ANKRD33B: variants seen among roughly 807,000 people sequenced by gnomAD.
ANKRD33B encodes ankyrin repeat domain 33B.
Under a neutral mutation model 21.5 loss-of-function variants are expected in ANKRD33B, and 6 were observed. The observed-to-expected ratio is 0.28, with a 90% CI of 0.15 to 0.55. ANKRD33B has a LOEUF of 0.55. Among genes scored for constraint, ANKRD33B ranks in the 20% least tolerant of loss-of-function variants. ANKRD33B has a pLI of 0.94. For synonymous variants in ANKRD33B, 347 were observed against 342.4 expected (o/e 1.01, Z -0.15); for missense variants, 698 against 747.2 (o/e 0.93, Z 0.77).
At chr5:10,580,856 C>G (rs1374882860) in intron 1 of ANKRD33B, among the ~76,000 whole-genome samples, 1 of 152,168 alleles carries the variant, frequency 6.6e-6, no homozygotes, top group African/African-American at 2.4e-5. Context: ...TTCTTTCCCT[C>G]CTTTTCATGA....
intron 1 of ANKRD33B, among the ~76,000 whole-genome samples, chr5:10,581,223 C>T (rs1735437224): frequency 6.6e-6 from 1 of 152,262 alleles, no homozygotes; most frequent in Non-Finnish European, 1.5e-5. Context: ...GCTGCCTCCT[C>T]CTCCCCCAGT....
chr5:10,626,216 G>T (rs1480493653), intron 2 of ANKRD33B, among the ~76,000 whole-genome samples: 2 of 152,232 alleles, frequency 1.3e-5, no homozygotes, highest in Non-Finnish European at 2.9e-5. Flanking sequence ...GGTGCTGTTG[G>T]TGCAGGTCAG....
chr5:10,635,955 G>A (rs1872045), intron 2 of ANKRD33B, among the ~76,000 whole-genome samples: 64,208 of 151,970 alleles, frequency 0.42, 13,788 homozygotes, highest in Middle Eastern at 0.56. Flanking sequence ...CTGCTGCAGC[G>A]TCATGCTCAC....
intron 1 of ANKRD33B, among the ~76,000 whole-genome samples, chr5:10,594,482 T>G (rs1331864429): frequency 6.6e-6 from 1 of 152,158 alleles, no homozygotes; most frequent in Non-Finnish European, 1.5e-5. Flanking sequence ...CCTCCCAAAG[T>G]GCTGGGATTA....
intron 1 of ANKRD33B, among the ~76,000 whole-genome samples, chr5:10,611,399 G>A (rs1736169339): frequency 6.6e-6 from 1 of 152,136 alleles, no homozygotes; most frequent in Admixed American, 6.5e-5. Context: ...GGCTGCCTGA[G>A]TCTAGGCAGC....
rs1735963110 is a variant in ANKRD33B, at chr5:10,602,922, C to T, written c.367-15411C>T. 3.3e-5 allele frequency among the ~76,000 whole-genome samples: 5 copies of T among 151,940 alleles called. No homozygotes were observed. In the South Asian group the frequency reaches 1.0e-3, roughly 32 times the overall value. On this transcript the variant is annotated intron_variant, in intron 1 of 3. Coordinates refer to ENST00000296657, the MANE Select transcript of ANKRD33B (RefSeq NM_001164440.2). The stretch of plus-strand genomic sequence containing the variant: ...TGACCTCCCAAACTCAAGCAATCCT[C>T]CTGCCTCAGCCTCTAGAGTAGCTAG...
At chr5:10,574,102 G>A (rs925744831) in intron 1 of ANKRD33B, among the ~76,000 whole-genome samples, 7 of 152,198 alleles carry the variant, frequency 4.6e-5, no homozygotes, top group Admixed American at 6.5e-5. Context: ...GTGAGCAGGC[G>A]TGTACACACA....
intron 1 of ANKRD33B, among the ~76,000 whole-genome samples, chr5:10,617,208 A>T (rs1028977767): frequency 4.6e-5 from 7 of 152,208 alleles, no homozygotes; most frequent in Non-Finnish European, 7.3e-5. Context: ...TACAAAATCA[A>T]CTATCAGTGT....
At chr5:10,599,578 C>T (rs1012861924) in intron 1 of ANKRD33B, among the ~76,000 whole-genome samples, 37 of 152,128 alleles carry the variant, frequency 2.4e-4, no homozygotes, top group Non-Finnish European at 2.9e-5. Context: ...TAAATAGAAT[C>T]ATACAATATT....
chr5:10,614,165 C>T (rs1338201590), intron 1 of ANKRD33B, among the ~76,000 whole-genome samples: 4 of 152,056 alleles, frequency 2.6e-5, no homozygotes, highest in Non-Finnish European at 4.4e-5. Context: ...GCAGTGCTGC[C>T]GGTCAAGTTT....
intron 1 of ANKRD33B, among the ~76,000 whole-genome samples, chr5:10,571,427 C>T (rs1355309662): frequency 1.3e-5 from 2 of 152,144 alleles, no homozygotes; most frequent in African/African-American, 4.8e-5. Context: ...GTCTCAAACT[C>T]CTGACCTCAG....
chr5:10,576,443 C>T lies in ANKRD33B; in HGVS notation c.366+11610C>T, dbSNP rs899507168. Among the ~76,000 whole-genome samples the T allele has an allele frequency of 1.3e-5, 2 of 152,168 alleles. No individual in the cohort carries two copies. The highest frequency in any genetic ancestry group is 2.4e-5 in the African/African-American group (1 of 41,438). The stretch of plus-strand genomic sequence containing the variant: ...ATGATTTGCACATACATTTAAGTTT[C>T]AGGAGTTCTAGAACTTTTCTTAGAG... On this transcript the variant is annotated intron_variant, in intron 1 of 3. Transcript: ENST00000296657. This position sits in a 1 kb window ranked among gnomAD's most constrained non-coding sequence, Gnocchi z 4.1.
intron 3 of ANKRD33B, among the ~76,000 whole-genome samples, chr5:10,640,027 TTAGCG>T (rs1737000683): frequency 3.4e-5 from 3 of 89,016 alleles, no homozygotes; most frequent in Non-Finnish European, 5.1e-5. Context: ...CGCGGCGATG[TTAGCG>T]GGTGACGTGG....
At chr5:10,597,774 A>G (rs1735847900) in intron 1 of ANKRD33B, among the ~76,000 whole-genome samples, 1 of 152,240 alleles carries the variant, frequency 6.6e-6, no homozygotes, top group Admixed American at 6.5e-5. Context: ...AAAGTTGCTC[A>G]CATAATCAGA....
chr5:10,577,778 G>A (rs1735356789), intron 1 of ANKRD33B, among the ~76,000 whole-genome samples: 1 of 152,248 alleles, frequency 6.6e-6, no homozygotes. Context: ...TCTGGTGTTA[G>A]ATAACGGGCA....
chr5:10,578,888 G>T (rs896699305), intron 1 of ANKRD33B, among the ~76,000 whole-genome samples: 2 of 152,012 alleles, frequency 1.3e-5, no homozygotes, highest in Admixed American at 6.5e-5. Flanking sequence ...TTGGCTGGGC[G>T]CAGTGGCTCA....
At position 10,634,313 on chromosome 5, in the gene ANKRD33B, C is replaced by G. The variant is rs143591292; in HGVS notation, c.497-3715C>G. Among the ~76,000 whole-genome samples the G allele has an allele frequency of 1.7e-3, 255 of 149,616 alleles. 1 individual carries two copies. The highest frequency in any genetic ancestry group is 2.7e-3 in the Non-Finnish European group (182 of 67,298). ...TCCTCCCTGGGTCACTTGTGACCCT[C>G]TCTTAAGCAGGGTAGGGCTTATTGG... On this transcript the variant is annotated intron_variant, in intron 2 of 3. Coordinates refer to ENST00000296657, the MANE Select transcript of ANKRD33B (RefSeq NM_001164440.2).
rs1351329834 is a variant in ANKRD33B at position 10,575,067 on chromosome 5, G to C, written c.366+10234G>C. On this transcript the variant is annotated intron_variant, in intron 1 of 3. Coordinates refer to ENST00000296657, the MANE Select transcript of ANKRD33B (RefSeq NM_001164440.2). ...TGGTGCCACTGCACTCAGCCTGGAT[G>C]ACACAATGAAACCCTGTTTCCAAGA... 3.7e-5 allele frequency among the ~76,000 whole-genome samples: 2 copies of C among 54,532 alleles called. 1 individual carries two copies. The highest frequency in any genetic ancestry group is 7.6e-5 in the African/African-American group (2 of 26,290). The allele number at this position is 54,532 out of a possible 152,430, so 35.8% of individuals were successfully genotyped here.
intron 3 of ANKRD33B, among the ~76,000 whole-genome samples, chr5:10,648,773 C>A (rs1056443659): frequency 6.6e-6 from 1 of 151,932 alleles, no homozygotes. Flanking sequence ...AAAAAAAATT[C>A]TGTAATTTAG....
Sources: gnomAD v4.1 joint callset for allele counts (sites outside exome capture counted in the v4.1 genomes callset) on GRCh38, gnomAD v4.1.1 for gene constraint, Gnocchi (gnomAD v3.1) non-coding constraint, MANE v1.5 for transcripts, NCBI Gene and HGNC (gene_info 2026-07-23, HGNC 2026-07-21) for gene names.